The following ART3 variants were observed in gnomAD, a reference collection of about 807,000 sequenced individuals.
The protein encoded by ART3 is ADP-ribosyltransferase 3 (inactive).
Under a neutral mutation model 48.5 loss-of-function variants are expected in ART3, and 49 were observed. That is an observed-to-expected ratio of 1.01 (90% CI 0.80 to 1.28). The LOEUF is 1.28. ART3 is among the 50% of genes most tolerant of loss of function. The pLI, the probability that ART3 is intolerant of heterozygous loss-of-function variation, is 0.00. For synonymous variants in ART3, 145 were observed against 157.2 expected, an observed-to-expected ratio of 0.92 and a Z score of 0.58; for missense variants, 438 against 454.3, an observed-to-expected ratio of 0.96 and a Z score of 0.33.
Position 76,107,787 on chromosome 4 carries a change from A to G in ART3, c.1030A>G (p.Asn344Asp), listed in dbSNP as rs757704676. Residue 344 changes from asparagine (N) to aspartate (D), a missense_variant, in exon 11 of 12, where the codon AAT (asparagine) becomes GAT (aspartate). By Grantham distance (23) the Asn-to-Asp change is conservative. Coordinates refer to ENST00000355810, the MANE Select transcript of ART3 (RefSeq NM_001130016.3). ...AGATAAAAGTCAAGGAAATATCAAC[A>G]ATCCTAGTAAGAAGTATCTCATTTC... Reference protein sequence around the residue: ...PEDKSQGNINNPTPGPVPVPG... With the variant: ...PEDKSQGNINDPTPGPVPVPG... 18 of 1,477,832 alleles carry G rather than the reference A, an allele frequency of 1.2e-5. No individual in the cohort carries two copies. The highest frequency in any genetic ancestry group is 1.5e-5 in the Non-Finnish European group (16 of 1,087,524). 91.5% of individuals were successfully genotyped at this position (1,477,832 alleles called of 1,614,324 possible). A position where few individuals can be genotyped will look rare whatever the true frequency, so the allele number is the denominator to read the frequency against.
chr4:76,022,906 A>G, intron 1 of ART3: 3 of 1,334,782 alleles, frequency 2.2e-6, no homozygotes, highest in Non-Finnish European at 2.1e-6. Flanking sequence ...CAGAACCTAT[A>G]TCCCCATATC....
intron 1 of ART3, among the ~76,000 whole-genome samples, chr4:76,038,613 T>G (rs186762090): frequency 2.8e-4 from 42 of 152,344 alleles, no homozygotes; most frequent in Admixed American, 2.6e-3. Context: ...TTGCTTTTCA[T>G]TTTCTCAGCA....
chr4:76,034,188 T>G, intron 1 of ART3: 1 of 358,054 alleles, frequency 2.8e-6, no homozygotes, highest in Non-Finnish European at 5.0e-6. Flanking sequence ...TCCCTACATA[T>G]TGATGTGCTA....
intron 1 of ART3, chr4:76,036,119 C>G (rs747499993): frequency 2.5e-5 from 18 of 714,814 alleles, no homozygotes; most frequent in Non-Finnish European, 4.3e-5. Flanking sequence ...TATACACCAG[C>G]AATCCTTTTA....
In ART3 at chr4:76,075,898, G is replaced by A. The variant is rs909214701; in HGVS notation, c.9G>A (p.Thr3=). ...TAATTTAGAAGAGAAAAATGAAGACGGGACATTTTGAAATAGTCACCATGC... is the reference window on the plus strand; with the variant it reads ...TAATTTAGAAGAGAAAAATGAAGACAGGACATTTTGAAATAGTCACCATGC... MK[T]GHFEIVTMLL... Residue 3 remains threonine, a synonymous_variant, in exon 2 of 12, where the codon ACG becomes ACA. Transcript: ENST00000355810. The A allele has an allele frequency of 4.3e-6, 7 of 1,611,720 alleles. No homozygotes were observed. The highest frequency in any genetic ancestry group is 2.2e-5 in the East Asian group (1 of 44,838).
chr4:76,040,390 A>G (rs1198222259), intron 1 of ART3, among the ~76,000 whole-genome samples: 1 of 150,904 alleles, frequency 6.6e-6, no homozygotes, highest in Non-Finnish European at 1.5e-5. Flanking sequence ...AGAGATGACC[A>G]CTGCTTTAGT....
In ART3 at chr4:76,053,157, A is replaced by G. The variant is rs186963273; in HGVS notation, c.-9-22724A>G. Reference sequence around the variant, plus strand: ...TTGAAAAATAGTTACTGGTAGTTCAATTTACTTTGTTTTTTAACTATGCCT... The same window carrying G: ...TTGAAAAATAGTTACTGGTAGTTCAGTTTACTTTGTTTTTTAACTATGCCT... On this transcript the variant is annotated intron_variant, in intron 1 of 9. Transcript: ENST00000341029. 3.3e-3 allele frequency among the ~76,000 whole-genome samples: 498 copies of G among 152,272 alleles called. 1 individual carries two copies. The highest frequency in any genetic ancestry group is 5.1e-3 in the Non-Finnish European group (344 of 68,016).
chr4:76,018,390 A>T (rs536470937), intron 1 of ART3, among the ~76,000 whole-genome samples: 8 of 152,174 alleles, frequency 5.3e-5, no homozygotes, highest in Non-Finnish European at 1.2e-4. Context: ...AACATTGAGT[A>T]CCCATGGACA....
chr4:76,109,176 AAC>A (rs1729013625), intron 11 of ART3, among the ~76,000 whole-genome samples: 2 of 152,326 alleles, frequency 1.3e-5, no homozygotes, highest in South Asian at 2.1e-4. Flanking sequence ...CTTAGCTTAA[AAC>A]ACACATTGTA....
At chr4:76,084,065 G>GT (rs980326585) in intron 3 of ART3, among the ~76,000 whole-genome samples, 6 of 151,916 alleles carry the variant, frequency 3.9e-5, no homozygotes, top group East Asian at 3.8e-4. Context: ...TGTTTCCTTA[G>GT]TTTTTTTAAT....
intron 3 of ART3, among the ~76,000 whole-genome samples, chr4:76,086,468 A>G (rs1322143894): frequency 6.6e-6 from 1 of 152,210 alleles, no homozygotes; most frequent in Non-Finnish European, 1.5e-5. Context: ...GTGTGGGGAG[A>G]GGAACTGAAG....
chr4:76,069,641 T>C (rs1254150847), intron 1 of ART3, among the ~76,000 whole-genome samples: 1 of 151,924 alleles, frequency 6.6e-6, no homozygotes, highest in Non-Finnish European at 1.5e-5. Flanking sequence ...CCGCCTGCCT[T>C]GGCCTCCCAA....
intron 5 of ART3, chr4:76,099,362 T>C (rs1317152820): frequency 8.5e-6 from 2 of 234,370 alleles, no homozygotes; most frequent in Non-Finnish European, 1.7e-5. Context: ...GTTTAGCAAA[T>C]GTATTTCTTA....
At chr4:76,060,083 G>A (rs1056531840) in intron 1 of ART3, among the ~76,000 whole-genome samples, 1 of 152,148 alleles carries the variant, frequency 6.6e-6, no homozygotes, top group Non-Finnish European at 1.5e-5. Flanking sequence ...CTGTTGCCTT[G>A]CATGGAGTCA....
chr4:76,100,912 T>C, intron 7 of ART3, 78 bp from the exon 8 acceptor site: 3 of 1,601,954 alleles, frequency 1.9e-6, no homozygotes, highest in Non-Finnish European at 2.6e-6. Context: ...TTACTGAAAA[T>C]AATTTTGCTG....
intron 1 of ART3, among the ~76,000 whole-genome samples, chr4:76,065,370 T>C (rs1719628022): frequency 6.6e-6 from 1 of 152,156 alleles, no homozygotes; most frequent in South Asian, 2.1e-4. Context: ...AACATGCCGA[T>C]CTTTGGGATG....
intron 1 of ART3, among the ~76,000 whole-genome samples, chr4:76,053,671 A>G (rs1382186598): frequency 6.6e-6 from 1 of 152,244 alleles, no homozygotes; most frequent in Non-Finnish European, 1.5e-5. Context: ...ATTGTAGGTA[A>G]AATTCAAAGT....
At chr4:76,012,623 A>C (rs1270525862) in intron 1 of ART3, among the ~76,000 whole-genome samples, 1 of 152,134 alleles carries the variant, frequency 6.6e-6, no homozygotes, top group Non-Finnish European at 1.5e-5. Flanking sequence ...TTCTCATGTA[A>C]AACTTAAGGA....
chr4:76,104,449 C>T lies in ART3; in HGVS notation c.971-148C>T, dbSNP rs17001396. ...TGTGGATTTGTATAATAAGGGTTTACGTAAGCAGAACTTTTAAATAAAAAG... is the reference window on the plus strand; with the variant it reads ...TGTGGATTTGTATAATAAGGGTTTATGTAAGCAGAACTTTTAAATAAAAAG... On this transcript the variant is annotated intron_variant, in intron 9 of 11. Transcript: ENST00000355810. The T allele has an allele frequency of 7.1e-3, 10,380 of 1,460,262 alleles. 341 individuals carry two copies. The African/African-American group carries it at 0.088, about 12-fold the overall frequency. The allele number at this position is 1,460,262 out of a possible 1,614,324, so 90.5% of individuals were successfully genotyped here.
Sources: gnomAD v4.1 joint callset for allele counts (sites outside exome capture counted in the v4.1 genomes callset) on GRCh38, gnomAD v4.1.1 for gene constraint, MANE v1.5 for transcripts, NCBI Gene and HGNC (gene_info 2026-07-23, HGNC 2026-07-21) for gene names.